DPY19L4: variants seen among roughly 807,000 people sequenced by gnomAD.
The protein encoded by DPY19L4 is probable C-mannosyltransferase DPY19L4.
Under a neutral mutation model 102.8 loss-of-function variants are expected in DPY19L4, and 97 were observed. That is an observed-to-expected ratio of 0.94 (90% CI 0.80 to 1.12). The LOEUF is 1.12. Among genes scored for constraint, DPY19L4 ranks in the 50% most tolerant of loss-of-function variants. The probability of loss-of-function intolerance (pLI) is 0.00; values close to 1 mark genes in which losing one functional copy is unlikely to be tolerated. For missense variants in DPY19L4, 815 were observed against 850.4 expected, an observed-to-expected ratio of 0.96 and a Z score of 0.52; for synonymous variants, 252 against 283.1, an observed-to-expected ratio of 0.89 and a Z score of 1.10.
intron 12 of DPY19L4, 39 bp downstream of exon 12, chr8:94,768,592 A>G (rs1156698724): frequency 8.6e-7 from 1 of 1,157,638 alleles, no homozygotes; most frequent in Non-Finnish European, 1.2e-6. Context: ...ACTAACATAA[A>G]TTATGGAAAT....
intron 15 of DPY19L4, among the ~76,000 whole-genome samples, 157 bp downstream of exon 15, chr8:94,780,572 A>G (rs1307094338): frequency 2.0e-5 from 3 of 152,148 alleles, no homozygotes; most frequent in Non-Finnish European, 4.4e-5. Context: ...TATTAGGAAC[A>G]TTGCAGAAGA....
chr8:94,776,901 G>A (rs1303961050), intron 13 of DPY19L4, among the ~76,000 whole-genome samples: 2 of 147,810 alleles, frequency 1.4e-5, no homozygotes, highest in Non-Finnish European at 3.0e-5. Context: ...GAAGGCGGGG[G>A]TTGCAGTGAG....
At chr8:94,781,371 C>T (rs1037678123) in intron 16 of DPY19L4, among the ~76,000 whole-genome samples, 13 of 151,808 alleles carry the variant, frequency 8.6e-5, no homozygotes, top group South Asian at 2.1e-4. Context: ...TAGCATTGGT[C>T]GGTATAAGAT....
chr8:94,769,888 C>CTTTTTT, intron 12 of DPY19L4, among the ~76,000 whole-genome samples: 1 of 131,230 alleles, frequency 7.6e-6, no homozygotes. Context: ...TTATTCTTTT[C>CTTTTTT]TTTTTTTTTT....
intron 18 of DPY19L4, among the ~76,000 whole-genome samples, chr8:94,789,098 T>C (rs958211868): frequency 6.6e-6 from 1 of 152,206 alleles, no homozygotes; most frequent in African/African-American, 2.4e-5. Flanking sequence ...TCTTGCTATC[T>C]GCTCTCTGAA....
chr8:94,756,491 T>C (rs1246752908), intron 7 of DPY19L4, among the ~76,000 whole-genome samples: 2 of 152,188 alleles, frequency 1.3e-5, no homozygotes, highest in African/African-American at 4.8e-5. Flanking sequence ...TCAATCACCA[T>C]GATTTAAAGA....
intron 6 of DPY19L4, among the ~76,000 whole-genome samples, chr8:94,743,188 C>T (rs897669901): frequency 6.6e-6 from 1 of 151,898 alleles, no homozygotes; most frequent in Non-Finnish European, 1.5e-5. Flanking sequence ...CCACCACACC[C>T]AGCTAATTTT....
chr8:94,721,078 C>T (rs1227344940), intron 1 of DPY19L4, among the ~76,000 whole-genome samples: 1 of 152,184 alleles, frequency 6.6e-6, no homozygotes, highest in Non-Finnish European at 1.5e-5. Flanking sequence ...TCCCTAGTAG[C>T]TGGGATTACA....
rs575094316 is a variant in DPY19L4 at position 94,770,165 on chromosome 8, G to C, written c.1335-287G>C. On this transcript the variant is annotated intron_variant, in intron 12 of 18. Coordinates refer to ENST00000414645, the MANE Select transcript of DPY19L4 (RefSeq NM_181787.3). The stretch of plus-strand genomic sequence containing the variant: ...GCCTCCCAAAGTTCTGGGATTACAG[G>C]CGTAAGTCACTGCCCCTAACCCTTT... Among the ~76,000 whole-genome samples the C allele has an allele frequency of 2.6e-5, 4 of 152,226 alleles. No homozygotes were observed. The East Asian group carries it at 5.8e-4, about 22-fold the overall frequency.
chr8:94,739,067 C>T (rs950245480), intron 4 of DPY19L4, among the ~76,000 whole-genome samples: 2 of 152,070 alleles, frequency 1.3e-5, no homozygotes, highest in Non-Finnish European at 2.9e-5. Flanking sequence ...TTGTTGTTAA[C>T]CATATTCATT....
At chr8:94,724,251 A>G (rs28523271) in intron 1 of DPY19L4, among the ~76,000 whole-genome samples, 5,492 of 152,338 alleles carry the variant, frequency 0.036, 146 homozygotes, top group Non-Finnish European at 0.051. Context: ...TTCTGAAATT[A>G]TCCAATTAAA....
intron 14 of DPY19L4, among the ~76,000 whole-genome samples, chr8:94,779,389 C>A (rs896937728): frequency 5.3e-5 from 8 of 151,148 alleles, no homozygotes; most frequent in African/African-American, 1.9e-4. Context: ...GTGGCACAGT[C>A]ATAGTTCACT....
At chr8:94,725,800 T>A (rs1053456320) in intron 1 of DPY19L4, among the ~76,000 whole-genome samples, 10 of 152,172 alleles carry the variant, frequency 6.6e-5, no homozygotes, top group Middle Eastern at 3.4e-3. Context: ...CATGCCAGGC[T>A]AATTTTTTGG....
At chr8:94,746,098 G>C (rs530108235) in intron 6 of DPY19L4, among the ~76,000 whole-genome samples, 2 of 116,254 alleles carry the variant, frequency 1.7e-5, no homozygotes, top group East Asian at 4.9e-4. Flanking sequence ...GTCTGTCTCT[G>C]TTGCCCAGGC....
Position 94,739,693 on chromosome 8 carries a change from C to T in DPY19L4, c.514C>T (p.Gln172Ter), listed in dbSNP as rs200413522. The change falls in exon 6 of 19, where the codon CAA becomes TAA. Residue 172 changes from glutamine (Q) to a stop codon, truncating the protein, a stop_gained. Transcript: ENST00000414645. LOFTEE classifies it high-confidence loss of function. ...YFYIGIVFGL[Q>*]GIYVTALFVT... ...CTATATTGGCATTGTTTTTGGATTG[C>T]AAGGAATATATGTTACTGCTTTATT... 31 of 1,613,866 alleles carry T rather than the reference C, an allele frequency of 1.9e-5. No individual in the cohort carries two copies. The East Asian group carries it at 6.7e-4, about 35-fold the overall frequency.
intron 13 of DPY19L4, among the ~76,000 whole-genome samples, chr8:94,776,026 C>CTTTT (rs1165180641): frequency 1.4e-3 from 113 of 81,518 alleles, no homozygotes; most frequent in African/African-American, 2.4e-3. Context: ...ATTTTTAAAT[C>CTTTT]TTTTTTTTTT....
rs931306253 is a variant in DPY19L4, at chr8:94,724,807, C to T, written c.17-1524C>T. On this transcript the variant is annotated intron_variant, in intron 1 of 18. Coordinates refer to ENST00000414645, the MANE Select transcript of DPY19L4 (RefSeq NM_181787.3). ...TTCACCATATTGTCCAGGCTGTTCT[C>T]GATCTCCTGACTTCAGGTGATCCAC... Among the ~76,000 whole-genome samples the T allele has an allele frequency of 2.2e-4, 33 of 152,282 alleles. 1 individual carries two copies. The highest frequency in any genetic ancestry group is 1.2e-3 in the Admixed American group (19 of 15,298).
intron 14 of DPY19L4, 95 bp from the exon 15 acceptor site, chr8:94,780,264 G>T: frequency 3.2e-6 from 3 of 939,718 alleles, no homozygotes; most frequent in Non-Finnish European, 4.4e-6. Flanking sequence ...TATAACTATA[G>T]AGATATATGA....
intron 6 of DPY19L4, among the ~76,000 whole-genome samples, chr8:94,743,380 A>G (rs1040505619): frequency 6.6e-6 from 1 of 151,992 alleles, no homozygotes; most frequent in Non-Finnish European, 1.5e-5. Flanking sequence ...GCTCACACCT[A>G]TAATTCTAGC....
Sources: allele counts gnomAD v4.1 joint callset (sites outside exome capture counted in the v4.1 genomes callset), GRCh38; gene constraint gnomAD v4.1.1; transcripts MANE v1.5; gene names NCBI Gene and HGNC (gene_info 2026-07-23, HGNC 2026-07-21).